TGFB3: variants seen among roughly 807,000 people sequenced by gnomAD.
TGFB3 encodes the protein transforming growth factor beta 3, also known as transforming growth factor beta-3 proprotein.
A neutral mutation model predicts 40.1 loss-of-function variants in TGFB3; 5 were observed. The ratio of observed to expected loss-of-function variants is 0.12; its 90% CI spans 0.07 to 0.26. TGFB3 has a LOEUF of 0.26. Ranked by LOEUF, TGFB3 falls within the 10% of genes least tolerant of loss-of-function variation. The probability of loss-of-function intolerance (pLI) is 1.00; values close to 1 mark genes in which losing one functional copy is unlikely to be tolerated. For missense variants in TGFB3, 373 were observed against 530.1 expected (o/e 0.70, Z 2.91); for synonymous variants, 184 against 205.6 (o/e 0.89, Z 0.90).
chr14:75,970,561 G>GA (rs913951085), intron 3 of TGFB3: 4 of 95,550 alleles, frequency 4.2e-5, no homozygotes, highest in African/African-American at 1.7e-4. Flanking sequence ...TCAGTCTCAA[G>GA]AAATAATAAT....
intron 4 of TGFB3, among the ~76,000 whole-genome samples, chr14:75,964,897 C>A (rs929347105): frequency 6.6e-6 from 1 of 152,196 alleles, no homozygotes; most frequent in African/African-American, 2.4e-5. Context: ...TTTTCCCAGA[C>A]AAGCCTCTGA....
chr14:75,981,931 TCTCC>T lies in TGFB3; in HGVS notation c.-1042_-1039del, dbSNP rs2035439882. Among the ~76,000 whole-genome samples, 2 of 151,404 alleles carry T rather than the reference TCTCC, an allele frequency of 1.3e-5. 1 individual carries two copies. Among genetic ancestry groups the T allele is most frequent in the Admixed American group, 1.3e-4 (2 of 15,194 alleles). On this transcript the variant is annotated 5_prime_UTR_variant, in exon 1 of 7. It introduces an in-frame stop codon into an upstream open reading frame of the 5' UTR. Transcript: ENST00000238682. The surrounding 1 kb of genome is among the most constrained non-coding windows in gnomAD (Gnocchi z 4.7). ...GCTTCCCTCCCTTTCTCTCTCTCCC[TCTCC>T]CTCTCCCTCTCGCTCCTCTCCCTCT...
intron 3 of TGFB3, among the ~76,000 whole-genome samples, chr14:75,967,596 T>A (rs2035234728): frequency 6.6e-6 from 1 of 151,588 alleles, no homozygotes; most frequent in South Asian, 2.1e-4. Context: ...TTGGGGAGAG[T>A]GAGGGTCCAG....
chr14:75,977,606 C>T (rs1315698705), intron 1 of TGFB3, among the ~76,000 whole-genome samples: 1 of 149,852 alleles, frequency 6.7e-6, no homozygotes, highest in Non-Finnish European at 1.5e-5. Flanking sequence ...ATAAAGAAAA[C>T]TCCTTCATTA....
At position 75,958,168 on chromosome 14, in the gene TGFB3, A is replaced by G. The variant is rs916176602; in HGVS notation, c.*1019T>C. On this transcript the variant is annotated 3_prime_UTR_variant, in exon 7 of 7. Coordinates refer to ENST00000238682, the MANE Select transcript of TGFB3 (RefSeq NM_003239.5). ...AAGATGAAATCATCCAGGATGCCCC[A>G]AAAATATTTATTTATACAAAGATTT... 1 of 152,808 alleles carries G rather than the reference A, an allele frequency of 6.5e-6. No homozygotes were observed. Among genetic ancestry groups the G allele is most frequent in the East Asian group, 1.9e-4 (1 of 5,190 alleles). 9.5% of individuals were successfully genotyped at this position (152,808 alleles called of 1,614,324 possible).
intron 1 of TGFB3, among the ~76,000 whole-genome samples, chr14:75,973,010 C>T (rs953957534): frequency 6.6e-6 from 1 of 152,180 alleles, no homozygotes. Context: ...ATGTGGGCAG[C>T]GAATGCTCTT....
rs555187370 is a variant in TGFB3 at position 75,971,447 on chromosome 14, C to T, written c.516+108G>A. The T allele has an allele frequency of 3.9e-6, 6 of 1,553,760 alleles. No individual in the cohort carries two copies. The African/African-American group carries it at 6.8e-5, about 18-fold the overall frequency. On this transcript the variant is annotated intron_variant, in intron 2 of 6. Transcript: ENST00000238682. The surrounding 1 kb of genome is among the most constrained non-coding windows in gnomAD (Gnocchi z 4.5). ...ATACGGAAACGAAGGCTCAGAGAAG[C>T]CAGGATTCAAACCCAGGTCTGCCAA...
chr14:75,963,435 C>T lies in TGFB3; in HGVS notation c.807G>A (p.Lys269=). Residue 269 remains lysine, a synonymous_variant, in exon 5 of 7, where the codon AAG becomes AAA. Transcript: ENST00000238682. The stretch of plus-strand genomic sequence containing the variant: ...GATGAGGGTTGTGGTGATCCTTCTG[C>T]TTCTTGAGGCGCCCCAGATCTCCAC... ...HGRGDLGRLK[K]QKDHHNPHLI... The T allele has an allele frequency of 6.2e-7, 1 of 1,612,574 alleles. No individual in the cohort carries two copies. The highest frequency in any genetic ancestry group is 8.5e-7 in the Non-Finnish European group (1 of 1,179,494).
intron 4 of TGFB3, 144 bp downstream of exon 4, chr14:75,965,444 A>C: frequency 1.4e-6 from 1 of 721,552 alleles, no homozygotes; most frequent in Non-Finnish European, 2.5e-6. Context: ...GCAAAGCAGA[A>C]TTACTCAAGT....
rs969758332 is a variant in TGFB3, at chr14:75,959,108, G to T, written c.*79C>A. On this transcript the variant is annotated 3_prime_UTR_variant, in exon 7 of 7. Transcript: ENST00000238682. ...GGCTCCAGGCCTCTCAGTGAGGTTT[G>T]TTGCTTGTGTGTTTCCCGAGGAGCG... is the stretch of plus-strand genomic sequence containing the variant. 6.3e-7 allele frequency: 1 copy of T among 1,595,144 alleles called. No individual in the cohort carries two copies. The highest frequency in any genetic ancestry group is 1.3e-5 in the African/African-American group (1 of 74,620).
In TGFB3 at chr14:75,975,345, G is replaced by GT. The variant is rs1422692077; in HGVS notation, c.353-3628dup. 2.0e-5 allele frequency among the ~76,000 whole-genome samples: 3 copies of GT among 150,784 alleles called. No individual in the cohort carries two copies. In the Admixed American group the frequency reaches 2.0e-4, roughly 10 times the overall value. On this transcript the variant is annotated intron_variant, in intron 1 of 6. Transcript: ENST00000238682. ...ATTGCACCAGTGCACTCCAGGCTGG[G>GT]TGACAGAGTGAGACTCTGTCAAAAA...
intron 1 of TGFB3, among the ~76,000 whole-genome samples, chr14:75,975,968 T>A (rs553635731): frequency 2.0e-5 from 3 of 152,344 alleles, no homozygotes; most frequent in African/African-American, 7.2e-5. Flanking sequence ...CTTTTTCCAT[T>A]GCACAGAAAA....
At chr14:75,966,912 C>T (rs114480070) in intron 3 of TGFB3, among the ~76,000 whole-genome samples, 6 of 152,336 alleles carry the variant, frequency 3.9e-5, no homozygotes, top group African/African-American at 1.2e-4. Context: ...CCTGGGATAG[C>T]AGCCAGTTGT....
intron 6 of TGFB3, 39 bp downstream of exon 6, chr14:75,960,884 C>G (rs1476810787): frequency 5.0e-6 from 8 of 1,613,694 alleles, no homozygotes; most frequent in Non-Finnish European, 6.8e-6. Flanking sequence ...TCTGGTCGGT[C>G]AGCCCCAGTG....
chr14:75,971,122 C>G lies in TGFB3; in HGVS notation c.646+4G>C. 1 of 1,613,884 alleles carries G rather than the reference C, an allele frequency of 6.2e-7. No homozygotes were observed. On this transcript the variant is annotated splice_donor_region_variant and intron_variant, in intron 3 of 6. Transcript: ENST00000238682. This position sits in a 1 kb window ranked among gnomAD's most constrained non-coding sequence, Gnocchi z 4.5. The stretch of plus-strand genomic sequence containing the variant: ...TGAAATGCTTATCTGAAGGGTCCAC[C>G]TACCTCTTCTCAACAGCCACTCACG...
At chr14:75,977,751 C>T (rs1008450291) in intron 1 of TGFB3, among the ~76,000 whole-genome samples, 9 of 151,372 alleles carry the variant, frequency 5.9e-5, no homozygotes, top group Admixed American at 1.3e-4. Flanking sequence ...ATAACTCTGA[C>T]CTCTCCTGCT....
At chr14:75,970,993 G>A in intron 3 of TGFB3, 133 bp downstream of exon 3, 1 of 1,270,682 alleles carries the variant, frequency 7.9e-7, no homozygotes, top group South Asian at 1.2e-5. Flanking sequence ...ATGAATGGAG[G>A]ATACTCAGTG....
intron 1 of TGFB3, among the ~76,000 whole-genome samples, chr14:75,976,269 A>G (rs2035352858): frequency 6.6e-6 from 1 of 152,128 alleles, no homozygotes; most frequent in African/African-American, 2.4e-5. Context: ...TGATTCCTGG[A>G]CCCATTCCCC....
chr14:75,960,908 G>A lies in TGFB3; in HGVS notation c.1080+15C>T, dbSNP rs1478918995. 1.9e-6 allele frequency: 3 copies of A among 1,614,008 alleles called. No homozygotes were observed. The highest frequency in any genetic ancestry group is 1.7e-5 in the Admixed American group (1 of 60,008). On this transcript the variant is annotated intron_variant, in intron 6 of 6. Coordinates refer to ENST00000238682, the MANE Select transcript of TGFB3 (RefSeq NM_003239.5). ...TCAGCCCCAGTGCCTCAGATGGCAT[G>A]AGCCTGCTCCATACCGTGCTGTGGG... is the stretch of plus-strand genomic sequence containing the variant.
Sources: gnomAD v4.1 joint callset for allele counts (sites outside exome capture counted in the v4.1 genomes callset) on GRCh38, gnomAD v4.1.1 for gene constraint, Gnocchi (gnomAD v3.1) non-coding constraint, MANE v1.5 for transcripts, NCBI Gene and HGNC (gene_info 2026-07-23, HGNC 2026-07-21) for gene names.